NPLOC4: variants seen among roughly 807,000 people sequenced by gnomAD.
NPLOC4 encodes the protein nuclear protein localization protein 4 homolog.
In NPLOC4, 18 loss-of-function variants were observed where a neutral mutation model predicts 80.6. The observed-to-expected ratio is 0.22, with a 90% confidence interval of 0.15 to 0.33. The LOEUF (loss-of-function observed/expected upper bound fraction) is 0.33, where lower values mean the gene tolerates loss of function less well. Among genes scored for constraint, NPLOC4 ranks in the 10% least tolerant of loss-of-function variants. The pLI is 1.00. For missense variants in NPLOC4, 540 were observed against 786.1 expected, an observed-to-expected ratio of 0.69 and a Z score of 3.74; for synonymous variants, 313 against 301.5, an observed-to-expected ratio of 1.04 and a Z score of -0.39.
intron 16 of NPLOC4, chr17:81,564,544 C>T (rs1490144279): frequency 1.3e-5 from 2 of 152,266 alleles, no homozygotes; most frequent in Non-Finnish European, 2.9e-5. Context: ...AATCCCAACA[C>T]TCTGGGAGGC....
intron 11 of NPLOC4, among the ~76,000 whole-genome samples, chr17:81,595,698 C>G (rs2034891334): frequency 6.6e-6 from 1 of 151,752 alleles, no homozygotes; most frequent in African/African-American, 2.4e-5. Flanking sequence ...GCGCCCACCA[C>G]CATGCCCAGC....
At chr17:81,602,457 C>T (rs1256593065) in intron 8 of NPLOC4, among the ~76,000 whole-genome samples, 2 of 152,008 alleles carry the variant, frequency 1.3e-5, no homozygotes, top group Non-Finnish European at 2.9e-5. Flanking sequence ...ATAATCCCAA[C>T]ACTTTGTGAG....
chr17:81,627,089 C>CAA (rs879270535), intron 2 of NPLOC4, among the ~76,000 whole-genome samples: 1 of 124,162 alleles, frequency 8.1e-6, no homozygotes, highest in Non-Finnish European at 1.7e-5. Context: ...GACTTCGTCT[C>CAA]AAAAAAAAAA....
In NPLOC4 at chr17:81,559,194, G is replaced by A. The variant is rs1005374673; in HGVS notation, c.*65C>T. On this transcript the variant is annotated 3_prime_UTR_variant, in exon 17 of 17. Transcript: ENST00000331134. ...GGGGCAGTTACAGGGAACACACTCA[G>A]CAACGCTTCTGGCTTCAGGAAGGGC... is the stretch of plus-strand genomic sequence containing the variant. 9.3e-6 allele frequency: 14 copies of A among 1,500,818 alleles called. No individual in the cohort carries two copies. In the African/African-American group the frequency reaches 1.8e-4, roughly 19 times the overall value. 93.0% of individuals were successfully genotyped at this position (1,500,818 alleles called of 1,614,324 possible).
At chr17:81,623,433 C>A (rs2054051813) in intron 2 of NPLOC4, among the ~76,000 whole-genome samples, 2 of 136,388 alleles carry the variant, frequency 1.5e-5, no homozygotes, top group South Asian at 4.7e-4. Flanking sequence ...CCACTGCACT[C>A]CAGCCTGGGT....
intron 3 of NPLOC4, among the ~76,000 whole-genome samples, chr17:81,617,857 C>T (rs1442236390): frequency 1.3e-5 from 2 of 152,218 alleles, no homozygotes; most frequent in East Asian, 1.9e-4. Context: ...GATGGGGTTT[C>T]GCTGTGTTGG....
chr17:81,610,166 A>C, intron 5 of NPLOC4, 44 bp downstream of exon 5: 1 of 1,536,714 alleles, frequency 6.5e-7, no homozygotes, highest in Non-Finnish European at 8.8e-7. Context: ...GTCTACCCGC[A>C]GCCCCCCACA....
chr17:81,613,145 A>G, intron 4 of NPLOC4, 173 bp downstream of exon 4: 1 of 555,930 alleles, frequency 1.8e-6, no homozygotes, highest in Admixed American at 4.1e-5. Context: ...AAAAACAAAA[A>G]CCGATAAAAA....
chr17:81,559,221 G>A lies in NPLOC4; in HGVS notation c.*38C>T, dbSNP rs1201529748. The A allele has an allele frequency of 1.3e-6, 2 of 1,561,284 alleles. No homozygotes were observed. Among genetic ancestry groups the A allele is most frequent in the Non-Finnish European group, 8.7e-7 (1 of 1,153,546 alleles). The stretch of plus-strand genomic sequence containing the variant: ...AACGCTTCTGGCTTCAGGAAGGGCT[G>A]GGCTGGGCCCGGTCCTAGCCAGCAG... On this transcript the variant is annotated 3_prime_UTR_variant, in exon 17 of 17. Transcript: ENST00000331134.
chr17:81,594,730 G>A (rs946538734), intron 11 of NPLOC4, among the ~76,000 whole-genome samples: 7 of 151,942 alleles, frequency 4.6e-5, no homozygotes, highest in African/African-American at 1.2e-4. Flanking sequence ...AGCCGAGATC[G>A]CGCCACTGCA....
Position 81,559,135 on chromosome 17 carries a change from G to T in NPLOC4, c.*124C>A. The T allele has an allele frequency of 1.7e-6, 2 of 1,149,042 alleles. No individual in the cohort carries two copies. Among genetic ancestry groups the T allele is most frequent in the Non-Finnish European group, 2.4e-6 (2 of 837,496 alleles). 71.2% of individuals were successfully genotyped at this position (1,149,042 alleles called of 1,614,324 possible). A position where few individuals can be genotyped will look rare whatever the true frequency, so the allele number is the denominator to read the frequency against. On this transcript the variant is annotated 3_prime_UTR_variant, in exon 17 of 17. Transcript: ENST00000331134. Reference sequence around the variant, plus strand: ...TCAGTGGGTCAGGGAGCCCAGGACAGCCAGCCCCTTGTTCCTCCAGGGCTG... The same window carrying T: ...TCAGTGGGTCAGGGAGCCCAGGACATCCAGCCCCTTGTTCCTCCAGGGCTG...
chr17:81,635,702 G>GGGCCTGGAGACCTATTCTAGACAACACCT (rs2036049544), intron 1 of NPLOC4, among the ~76,000 whole-genome samples: 1 of 152,114 alleles, frequency 6.6e-6, no homozygotes. Context: ...TCACCGCGCC[G>GGGCCTGGAGACCTATTCTAGACAACACCT]GGCCTGGAGA....
chr17:81,590,854 T>C (rs1013259319), intron 11 of NPLOC4, among the ~76,000 whole-genome samples: 16 of 152,200 alleles, frequency 1.1e-4, no homozygotes, highest in African/African-American at 3.4e-4. Flanking sequence ...TCAACACACA[T>C]AGGAGGCAAG....
At chr17:81,610,174 A>C (rs576579972) in intron 5 of NPLOC4, 36 bp downstream of exon 5, 46 of 1,554,714 alleles carry the variant, frequency 3.0e-5, no homozygotes, top group South Asian at 1.8e-4. Context: ...GCAGCCCCCC[A>C]CACTGGCCCA....
At chr17:81,595,966 T>G in intron 11 of NPLOC4, 150 bp downstream of exon 11, 1 of 758,642 alleles carries the variant, frequency 1.3e-6, no homozygotes, top group Non-Finnish European at 2.1e-6. Flanking sequence ...TTCAGAATTT[T>G]TACCATAAAA....
chr17:81,622,747 C>T (rs2035701457), intron 2 of NPLOC4, among the ~76,000 whole-genome samples: 1 of 152,044 alleles, frequency 6.6e-6, no homozygotes, highest in Admixed American at 6.6e-5. Context: ...GATGGAGTTT[C>T]ACCATGTTGG....
rs773840070 is a variant in NPLOC4 at position 81,569,002 on chromosome 17, G to A, written c.1449+14C>T. 6.6e-7 allele frequency: 1 copy of A among 1,524,844 alleles called. No homozygotes were observed. Among genetic ancestry groups the A allele is most frequent in the Admixed American group, 1.7e-5 (1 of 58,042 alleles). 94.5% of individuals were successfully genotyped at this position (1,524,844 alleles called of 1,614,324 possible). On this transcript the variant is annotated intron_variant, in intron 14 of 16. Coordinates refer to ENST00000331134, the MANE Select transcript of NPLOC4 (RefSeq NM_017921.4). ...AGTTACCTTAAATTATGTTTCTAAAGACAAAGAGCTCACCTGTGTCTCACC... is the reference window on the plus strand; with the variant it reads ...AGTTACCTTAAATTATGTTTCTAAAAACAAAGAGCTCACCTGTGTCTCACC...
At chr17:81,585,672 GGAA>G (rs1375104680) in intron 12 of NPLOC4, among the ~76,000 whole-genome samples, 8 of 142,466 alleles carry the variant, frequency 5.6e-5, no homozygotes, top group Admixed American at 3.6e-4. Flanking sequence ...GGGGGGGGGG[GGAA>G]AGAAAGAAAT....
intron 3 of NPLOC4, among the ~76,000 whole-genome samples, chr17:81,613,887 A>G (rs1421444156): frequency 6.6e-6 from 1 of 150,506 alleles, no homozygotes; most frequent in Non-Finnish European, 1.5e-5. Flanking sequence ...TCCTCCCCCA[A>G]CACTGCATGT....
Sources: gnomAD v4.1 joint callset for allele counts (sites outside exome capture counted in the v4.1 genomes callset) on GRCh38, gnomAD v4.1.1 for gene constraint, MANE v1.5 for transcripts, NCBI Gene and HGNC (gene_info 2026-07-23, HGNC 2026-07-21) for gene names.